The following TBC1D32 variants were observed in gnomAD, a reference collection of about 807,000 sequenced individuals.
The protein encoded by TBC1D32 is protein broad-minded.
TBC1D32 carries 151 observed loss-of-function variants against 170.3 expected under a neutral mutation model. That is an observed-to-expected ratio of 0.89 (90% CI 0.78 to 1.01). The LOEUF is 1.01. Among genes scored for constraint, TBC1D32 ranks in the 50% least tolerant of loss-of-function variants. TBC1D32 has a pLI of 0.00. For synonymous variants in TBC1D32, 498 were observed against 488.0 expected (o/e 1.02, Z -0.27); for missense variants, 1,464 against 1,457.1 (o/e 1.00, Z -0.08).
At chr6:121,322,461 G>C (rs1284529537) in intron 1 of TBC1D32, among the ~76,000 whole-genome samples, 1 of 152,096 alleles carries the variant, frequency 6.6e-6, no homozygotes, top group Non-Finnish European at 1.5e-5. Context: ...CCACTTAAGA[G>C]TGTTTTACCA....
intron 17 of TBC1D32, among the ~76,000 whole-genome samples, chr6:121,245,872 G>A (rs1208022087): frequency 6.6e-6 from 1 of 152,120 alleles, no homozygotes; most frequent in Non-Finnish European, 1.5e-5. Context: ...TTGTGAGGCT[G>A]TAAGGTGGAT....
intron 24 of TBC1D32, among the ~76,000 whole-genome samples, chr6:121,152,519 T>C (rs1784351306): frequency 6.6e-6 from 1 of 152,144 alleles, no homozygotes; most frequent in Admixed American, 6.5e-5. Context: ...GTGTTCTCTG[T>C]ATTTCCTGAA....
intron 24 of TBC1D32, among the ~76,000 whole-genome samples, chr6:121,142,437 T>G (rs1355830685): frequency 1.3e-5 from 2 of 152,122 alleles, no homozygotes; most frequent in African/African-American, 2.4e-5. Flanking sequence ...TAAATATACA[T>G]CCAAAAGGTT....
At chr6:121,320,481 T>C (rs1363930903) in intron 2 of TBC1D32, among the ~76,000 whole-genome samples, 1 of 152,106 alleles carries the variant, frequency 6.6e-6, no homozygotes, top group Non-Finnish European at 1.5e-5. Flanking sequence ...TAATAAAGTA[T>C]TTTAGTATTC....
intron 15 of TBC1D32, among the ~76,000 whole-genome samples, chr6:121,267,949 A>G (rs1800769986): frequency 6.6e-6 from 1 of 152,134 alleles, no homozygotes; most frequent in Non-Finnish European, 1.5e-5. Flanking sequence ...CCATTCTGCA[A>G]TATTTGCTGT....
chr6:121,197,144 C>T (rs560536440), intron 22 of TBC1D32, among the ~76,000 whole-genome samples: 1 of 152,100 alleles, frequency 6.6e-6, no homozygotes, highest in Non-Finnish European at 1.5e-5. Flanking sequence ...ACTATCAAGA[C>T]GAAATCAGTC....
At chr6:121,220,538 G>A (rs999218530) in intron 21 of TBC1D32, among the ~76,000 whole-genome samples, 1 of 151,998 alleles carries the variant, frequency 6.6e-6, no homozygotes, top group Non-Finnish European at 1.5e-5. Flanking sequence ...TAACATGAAA[G>A]TACAAGATGA....
chr6:121,272,785 T>C (rs1240366707), intron 15 of TBC1D32, among the ~76,000 whole-genome samples: 1 of 152,234 alleles, frequency 6.6e-6, no homozygotes, highest in Non-Finnish European at 1.5e-5. Context: ...TTATAAATCA[T>C]GCTGCTGTAA....
intron 21 of TBC1D32, among the ~76,000 whole-genome samples, chr6:121,210,083 T>C (rs970164852): frequency 2.6e-5 from 4 of 152,194 alleles, no homozygotes; most frequent in African/African-American, 9.6e-5. Flanking sequence ...TTTAATAAAG[T>C]ACAACTTGAG....
chr6:121,100,633 A>T (rs1777930292), intron 30 of TBC1D32, among the ~76,000 whole-genome samples: 1 of 152,112 alleles, frequency 6.6e-6, no homozygotes, highest in Non-Finnish European at 1.5e-5. Flanking sequence ...AAGAAAAAGC[A>T]GGAAAGATCT....
rs1192586415 is a variant in TBC1D32 at position 121,214,607 on chromosome 6, A to T, written c.2481+8629T>A. On this transcript the variant is annotated intron_variant, in intron 21 of 31. Coordinates refer to ENST00000398212, the MANE Select transcript of TBC1D32 (RefSeq NM_152730.6). ...ACCAGGGAACACAGCAGGGCCCAAAATCCTGGAGATGCCAGGAACCACAGA... is the reference window on the plus strand; with the variant it reads ...ACCAGGGAACACAGCAGGGCCCAAATTCCTGGAGATGCCAGGAACCACAGA... Among the ~76,000 whole-genome samples the T allele has an allele frequency of 2.6e-5, 4 of 152,074 alleles. No homozygotes were observed. In the East Asian group the frequency reaches 7.7e-4, roughly 29 times the overall value.
chr6:121,243,495 A>C (rs892113246), intron 17 of TBC1D32, among the ~76,000 whole-genome samples: 3 of 151,990 alleles, frequency 2.0e-5, no homozygotes, highest in African/African-American at 7.3e-5. Context: ...AGGCATCATG[A>C]CTTTGGATCA....
At position 121,327,267 on chromosome 6, in the gene TBC1D32, G is replaced by A. The variant is rs1355549847; in HGVS notation, c.156-5473C>T. On this transcript the variant is annotated intron_variant, in intron 1 of 31. Transcript: ENST00000398212. ...TAACAAACCTAGGCATGAATCCCATGAATCTAAAAAAGGAAAATTATTATT... is the reference window on the plus strand; with the variant it reads ...TAACAAACCTAGGCATGAATCCCATAAATCTAAAAAAGGAAAATTATTATT... 2.0e-5 allele frequency among the ~76,000 whole-genome samples: 3 copies of A among 152,210 alleles called. No homozygotes were observed. The South Asian group carries it at 6.2e-4, about 32-fold the overall frequency.
chr6:121,227,938 A>T (rs980705357), intron 20 of TBC1D32, among the ~76,000 whole-genome samples: 1 of 152,134 alleles, frequency 6.6e-6, no homozygotes, highest in East Asian at 1.9e-4. Context: ...CTGTGTAAGG[A>T]GGTTCTTACT....
intron 19 of TBC1D32, among the ~76,000 whole-genome samples, chr6:121,239,803 A>C (rs1164303308): frequency 1.3e-5 from 2 of 152,216 alleles, no homozygotes; most frequent in Non-Finnish European, 2.9e-5. Flanking sequence ...AGTCTATTAA[A>C]AAATCAAGTA....
rs556881301 is a variant in TBC1D32, at chr6:121,261,879, C to A, written c.1734-5594G>T. Among the ~76,000 whole-genome samples, 28 of 152,200 alleles carry A rather than the reference C, an allele frequency of 1.8e-4. No homozygotes were observed. In the Middle Eastern group the frequency reaches 0.017, roughly 92 times the overall value. ...TAACCCAATGCAAAGATGCTTAGAA[C>A]CATGATACTAGGTTACAGGAGCTGC... On this transcript the variant is annotated intron_variant, in intron 15 of 31. Transcript: ENST00000398212.
chr6:121,258,611 T>C (rs1799358297), intron 15 of TBC1D32, among the ~76,000 whole-genome samples: 1 of 152,202 alleles, frequency 6.6e-6, no homozygotes, highest in Non-Finnish European at 1.5e-5. Context: ...GTTTTCACTT[T>C]GTCCATTCAT....
chr6:121,180,596 G>A (rs1788378124), intron 22 of TBC1D32, among the ~76,000 whole-genome samples: 2 of 152,124 alleles, frequency 1.3e-5, no homozygotes, highest in African/African-American at 2.4e-5. Context: ...AAGGCTTAAA[G>A]ACCTAAATGT....
rs527497285 is a variant in TBC1D32, at chr6:121,322,951, C to G, written c.156-1157G>C. Reference sequence around the variant, plus strand: ...TAATTATACCCCCCATATATGGCCTCTTATCCTTCCTATAATTCGCCTATA... The same window carrying G: ...TAATTATACCCCCCATATATGGCCTGTTATCCTTCCTATAATTCGCCTATA... On this transcript the variant is annotated intron_variant, in intron 1 of 31. Transcript: ENST00000398212. Among the ~76,000 whole-genome samples the G allele has an allele frequency of 9.2e-5, 14 of 152,108 alleles. No individual in the cohort carries two copies. In the South Asian group the frequency reaches 2.9e-3, roughly 32 times the overall value.
Sources: allele counts gnomAD v4.1 joint callset (sites outside exome capture counted in the v4.1 genomes callset), GRCh38; gene constraint gnomAD v4.1.1; transcripts MANE v1.5; gene names NCBI Gene and HGNC (gene_info 2026-07-23, HGNC 2026-07-21).